The following DUOX2 variants were observed in gnomAD, a reference collection of about 807,000 sequenced individuals.
DUOX2 encodes dual oxidase 2, also known as NADH/NADPH thyroid oxidase p138-tox.
DUOX2 carries 185 observed loss-of-function variants against 183.3 expected under a neutral mutation model. The ratio of observed to expected loss-of-function variants is 1.01; its 90% CI spans 0.90 to 1.14. The LOEUF (loss-of-function observed/expected upper bound fraction) is 1.14. DUOX2 is among the 50% of genes most tolerant of loss of function. DUOX2 has a pLI of 0.00. For synonymous variants in DUOX2, 788 were observed against 812.4 expected (o/e 0.97, Z 0.51); for missense variants, 1,999 against 2,022.9 (o/e 0.99, Z 0.23).
At position 45,111,854 on chromosome 15, in the gene DUOX2, C is replaced by T. The variant is rs371464257; in HGVS notation, c.427G>A (p.Asp143Asn). The change falls in exon 5 of 34, where the codon GAC becomes AAC. Residue 143 changes from aspartate to asparagine, a missense_variant. Physicochemically the swap from Asp to Asn is conservative, Grantham distance 23. Coordinates refer to ENST00000389039, the MANE Select transcript of DUOX2 (RefSeq NM_001363711.2). ...GGCAGCACCACGTCCCCGCGCTGGT[C>T]GGGGTCGAACACGGGGTCTCCAGGT... ...IPPGDPVFDP[D>N]QRGDVVLPFQ... The T allele has an allele frequency of 5.6e-6, 9 of 1,613,610 alleles. No individual in the cohort carries two copies. Among genetic ancestry groups the T allele is most frequent in the Non-Finnish European group, 7.6e-6 (9 of 1,179,948 alleles).
In DUOX2 at chr15:45,095,010, G is replaced by A. The variant is rs556085563; in HGVS notation, c.4321C>T (p.His1441Tyr). ...DIIQEVEEND[H>Y]QDLVSVHIYV... ...ATGTGCACAGACACCAGGTCCTGGT[G>A]GTCGTTCTCCTCCACCTCTTGGATG... Residue 1441 changes from histidine to tyrosine, a missense_variant, in exon 32 of 34, where the codon CAC becomes TAC. Coordinates refer to ENST00000389039, the MANE Select transcript of DUOX2 (RefSeq NM_001363711.2). 1.2e-6 allele frequency: 2 copies of A among 1,614,186 alleles called. No homozygotes were observed. Among genetic ancestry groups the A allele is most frequent in the South Asian group, 2.2e-5 (2 of 91,086 alleles).
In DUOX2 at chr15:45,102,141, C is replaced by T. The variant is rs1894100724; in HGVS notation, c.2655-152G>A. The T allele has an allele frequency of 3.9e-6, 4 of 1,013,780 alleles. No homozygotes were observed. In the South Asian group the frequency reaches 4.1e-5, roughly 10 times the overall value. 62.8% of individuals were successfully genotyped at this position (1,013,780 alleles called of 1,614,324 possible). A position where few individuals can be genotyped will look rare whatever the true frequency, so the allele number is the denominator to read the frequency against. On this transcript the variant is annotated intron_variant, in intron 20 of 33. Coordinates refer to ENST00000389039, the MANE Select transcript of DUOX2 (RefSeq NM_001363711.2). Reference sequence around the variant, plus strand: ...GTGCTCATCCAGCCTGCCGCTGACACTAAGCTGGGTGGGGTAGCCATGGAC... The same window carrying T: ...GTGCTCATCCAGCCTGCCGCTGACATTAAGCTGGGTGGGGTAGCCATGGAC...
At position 45,114,115 on chromosome 15, in the gene DUOX2, T is replaced by C. The variant is rs918201758; in HGVS notation, c.-157A>G. ...CCGGCTGCACTCTCACCTTTCTCTC[T>C]GGGTCCTTGGTCTCGCCACTGTGCA... is the stretch of plus-strand genomic sequence containing the variant. On this transcript the variant is annotated 5_prime_UTR_variant, in exon 1 of 34. Transcript: ENST00000389039. 4 of 216,426 alleles carry C rather than the reference T, an allele frequency of 1.8e-5. No homozygotes were observed. The highest frequency in any genetic ancestry group is 9.2e-5 in the African/African-American group (4 of 43,646). The allele number at this position is 216,426 out of a possible 1,614,324, so 13.4% of individuals were successfully genotyped here.
chr15:45,108,133 A>C lies in DUOX2; in HGVS notation c.1488T>G (p.Pro496=). 6.2e-7 allele frequency: 1 copy of C among 1,614,140 alleles called. No individual in the cohort carries two copies. Among genetic ancestry groups the C allele is most frequent in the Non-Finnish European group, 8.5e-7 (1 of 1,179,996 alleles). Reference sequence around the variant, plus strand: ...GGACAATGGCACTGAACAGGGGTCCAGGGTCCCCATGGCTCTCCAGGAGCC... The same window carrying C: ...GGACAATGGCACTGAACAGGGGTCCCGGGTCCCCATGGCTCTCCAGGAGCC... The part of the protein sequence containing the change: ...LGGLLESHGD[P]GPLFSAIVLD... The change falls in exon 13 of 34, where the codon CCT becomes CCG. Residue 496 remains proline (P), a synonymous_variant. Transcript: ENST00000389039.
At chr15:45,109,741 G>T in intron 10 of DUOX2, 115 bp from the exon 11 acceptor site, 1 of 1,329,090 alleles carries the variant, frequency 7.5e-7, no homozygotes. Context: ...AGACTCTCTT[G>T]AACTGTTGTC....
intron 13 of DUOX2, 60 bp from the exon 14 acceptor site, chr15:45,107,523 C>T: frequency 6.4e-7 from 1 of 1,573,090 alleles, no homozygotes; most frequent in Non-Finnish European, 8.7e-7. Flanking sequence ...TCCAGCAACC[C>T]CAGGCCCAAG....
Position 45,100,673 on chromosome 15 carries a change from T to C in DUOX2, c.3005+82A>G, listed in dbSNP as rs528198373. The C allele has an allele frequency of 3.8e-4, 440 of 1,159,532 alleles. 1 individual carries two copies. Among genetic ancestry groups the C allele is most frequent in the Non-Finnish European group, 5.4e-4 (415 of 765,168 alleles). The allele number at this position is 1,159,532 out of a possible 1,614,324, so 71.8% of individuals were successfully genotyped here. A position where few individuals can be genotyped will look rare whatever the true frequency, so the allele number is the denominator to read the frequency against. Reference sequence around the variant, plus strand: ...GAGACTCAGGATGGTCGCTTATATGTCAAGGATATGTGGGTGGGGCCTAGG... The same window carrying C: ...GAGACTCAGGATGGTCGCTTATATGCCAAGGATATGTGGGTGGGGCCTAGG... On this transcript the variant is annotated intron_variant, in intron 23 of 33. Transcript: ENST00000389039.
Position 45,111,836 on chromosome 15 carries a change from C to T in DUOX2, c.445G>A (p.Val149Met), listed in dbSNP as rs760673356. The T allele has an allele frequency of 1.9e-6, 3 of 1,613,288 alleles. No individual in the cohort carries two copies. Among genetic ancestry groups the T allele is most frequent in the Middle Eastern group, 1.6e-4 (1 of 6,062 alleles). Reference protein sequence around the residue: ...VFDPDQRGDVVLPFQRSRWDP... With the variant: ...VFDPDQRGDVMLPFQRSRWDP... Reference sequence around the variant, plus strand: ...CAGCGGCTCCTCTGGAAGGGCAGCACCACGTCCCCGCGCTGGTCGGGGTCG... The same window carrying T: ...CAGCGGCTCCTCTGGAAGGGCAGCATCACGTCCCCGCGCTGGTCGGGGTCG... Residue 149 changes from valine (V) to methionine (M), a missense_variant, in exon 5 of 34, where the codon GTG (valine) becomes ATG (methionine). Physicochemically the swap from Val to Met is conservative, Grantham distance 21. Around this residue, in one of 3 missense-constraint regions of DUOX2, gnomAD observed 356 missense variants for 356.4 expected, o/e 1.00. Transcript: ENST00000389039.
At position 45,108,031 on chromosome 15, in the gene DUOX2, C is replaced by T. The variant is rs750235842; in HGVS notation, c.1574+16G>A. 8 of 1,613,672 alleles carry T rather than the reference C, an allele frequency of 5.0e-6. No homozygotes were observed. Among genetic ancestry groups the T allele is most frequent in the Non-Finnish European group, 5.9e-6 (7 of 1,179,852 alleles). On this transcript the variant is annotated intron_variant, in intron 13 of 33. Transcript: ENST00000389039. ...GCTGAGGAGCAGTCTGAGGTGGGGG[C>T]CCAGGCAAGCCTTACCCATTCCTGG...
chr15:45,110,741 C>T (rs746727260), intron 7 of DUOX2, 31 bp from the exon 8 acceptor site: 6 of 1,611,726 alleles, frequency 3.7e-6, no homozygotes, highest in Non-Finnish European at 5.1e-6. Flanking sequence ...AGGGGAGGCA[C>T]AAGTTGGATG....
chr15:45,103,124 C>T (rs1405693784), intron 20 of DUOX2, among the ~76,000 whole-genome samples: 1 of 152,242 alleles, frequency 6.6e-6, no homozygotes, highest in African/African-American at 2.4e-5. Context: ...AATAGCTTTG[C>T]CCTTTCAGAA....
chr15:45,101,544 C>G, intron 21 of DUOX2: 2 of 626,814 alleles, frequency 3.2e-6, no homozygotes, highest in Non-Finnish European at 5.6e-6. Context: ...CCAGATACAT[C>G]TTAGAGCAAT....
rs1894277532 is a variant in DUOX2 at position 45,108,184 on chromosome 15, TAG to T, written c.1435_1436del (p.Leu479IlefsTer36). 6 of 1,614,192 alleles carry T rather than the reference TAG, an allele frequency of 3.7e-6. No homozygotes were observed. The East Asian group carries it at 1.3e-4, about 36-fold the overall frequency. ...EATAALYNQD[L>X]SQLELLLGGL... ...CCCCAAGGAGCAGCTCTAGCTGGGA[TAG>T]GTCCTGGTTGTACAGGGCAGCTGTG... On this transcript the variant is annotated frameshift_variant, in exon 13 of 34. Transcript: ENST00000389039. LOFTEE classifies it high-confidence loss of function.
Position 45,111,766 on chromosome 15 carries a change from A to G in DUOX2, c.513+2T>C. The G allele has an allele frequency of 1.3e-6, 2 of 1,592,632 alleles. No individual in the cohort carries two copies. The highest frequency in any genetic ancestry group is 1.7e-6 in the Non-Finnish European group (2 of 1,170,078). On this transcript the variant is annotated splice_donor_variant, in intron 5 of 33. Transcript: ENST00000389039. LOFTEE classifies it high-confidence loss of function. ...CCCTTCCCGCCGCCTTCCCCGCCTC[A>G]CCAGGTCCCGGGGGTTGCTGGGACT...
At position 45,112,600 on chromosome 15, in the gene DUOX2, G is replaced by C; in HGVS notation, c.279C>G (p.Ala93=). The change falls in exon 4 of 34, where the codon GCC becomes GCG. Residue 93 remains alanine, a synonymous_variant. Coordinates refer to ENST00000389039, the MANE Select transcript of DUOX2 (RefSeq NM_001363711.2). ...RLSNAATRGI[A]GLPSLHNRTV... ...TGCGGTTGTGGAGCGACGGCAGGCCGGCTATGCCCCGCGTGGCTGCGTTGC... is the reference window on the plus strand; with the variant it reads ...TGCGGTTGTGGAGCGACGGCAGGCCCGCTATGCCCCGCGTGGCTGCGTTGC... 1 of 1,613,004 alleles carries C rather than the reference G, an allele frequency of 6.2e-7. No homozygotes were observed. The highest frequency in any genetic ancestry group is 8.5e-7 in the Non-Finnish European group (1 of 1,179,728).
intron 32 of DUOX2, 96 bp from the exon 33 acceptor site, chr15:45,094,787 G>C: frequency 5.0e-6 from 8 of 1,594,842 alleles, no homozygotes; most frequent in South Asian, 2.2e-5. Flanking sequence ...ATGGGGAGGG[G>C]AGGGAGCTGG....
chr15:45,094,450 C>A, intron 33 of DUOX2, 113 bp downstream of exon 33: 2 of 1,528,042 alleles, frequency 1.3e-6, no homozygotes, highest in Non-Finnish European at 1.8e-6. Context: ...CATCCTGGGG[C>A]CAGGCAATCG....
chr15:45,100,961 A>G (rs1012016374), intron 22 of DUOX2, 123 bp from the exon 23 acceptor site: 5 of 711,662 alleles, frequency 7.0e-6, no homozygotes, highest in African/African-American at 1.8e-5. Context: ...CAAGGCACAA[A>G]ATGAATTAAT....
chr15:45,098,015 C>T lies in DUOX2; in HGVS notation c.3559G>A (p.Val1187Ile), dbSNP rs138971379. 2,380 of 1,614,102 alleles carry T rather than the reference C, an allele frequency of 1.5e-3. 5 individuals are homozygous for T. Among genetic ancestry groups the T allele is most frequent in the Admixed American group, 1.8e-3 (109 of 60,028 alleles). The change falls in exon 27 of 34, where the codon GTC becomes ATC. Residue 1187 changes from valine to isoleucine, a missense_variant. Physicochemically the swap from Val to Ile is conservative, Grantham distance 29. Transcript: ENST00000389039. ...CAGGTCCCACGTTTCCTACCTGGGA[C>T]GGTCTGGAAGAACCACCAATAGAAC... is the stretch of plus-strand genomic sequence containing the variant. ...QKFYWWFFQT[V>I]PGMTGVLLLL...
Sources: allele counts gnomAD v4.1 joint callset (sites outside exome capture counted in the v4.1 genomes callset), GRCh38; gene constraint gnomAD v4.1.1; regional missense constraint gnomAD v4.1.1; transcripts MANE v1.5; gene names NCBI Gene and HGNC (gene_info 2026-07-23, HGNC 2026-07-21).